SATB2: variants seen among roughly 807,000 people sequenced by gnomAD.
SATB2 encodes the protein DNA-binding protein SATB2.
In SATB2, 1 loss-of-function variant was observed where a neutral mutation model predicts 73.4. The observed-to-expected ratio is 0.01, with a 90% CI of 0.00 to 0.06. The LOEUF is 0.06. Ranked by LOEUF, SATB2 falls within the 10% of genes least tolerant of loss-of-function variation. The pLI, the probability that SATB2 is intolerant of heterozygous loss-of-function variation, is 1.00. For synonymous variants in SATB2, 397 were observed against 367.0 expected (o/e 1.08, Z -0.93); for missense variants, 459 against 945.8 (o/e 0.49, Z 6.75).
At chr2:199,391,025 C>T (rs954201206) in intron 3 of SATB2, among the ~76,000 whole-genome samples, 9 of 152,140 alleles carry the variant, frequency 5.9e-5, no homozygotes, top group African/African-American at 2.2e-4. Flanking sequence ...TATTCATGTT[C>T]CAACTAACCT....
At chr2:199,290,677 C>A (rs1692830830) in intron 10 of SATB2, among the ~76,000 whole-genome samples, 1 of 152,026 alleles carries the variant, frequency 6.6e-6, no homozygotes, top group Non-Finnish European at 1.5e-5. Context: ...TTCTTTAATT[C>A]CCAAAAAAAT....
rs1168221672 is a variant in SATB2, at chr2:199,272,636, T to C, written c.1777A>G (p.Ser593Gly). The change falls in exon 11 of 11, where the codon AGT becomes GGT. Residue 593 changes from serine to glycine, a missense_variant. This residue lies in a region of SATB2 where 74 missense variants were observed against 136.1 expected (regional missense o/e 0.54). Transcript: ENST00000417098. This position sits in a 1 kb window ranked among gnomAD's most constrained non-coding sequence, Gnocchi z 6.7. ...GGCGCTTCTTCTCTGGGAGGGGAAC[T>C]CTCCTTGGCTGGCTGAGACTGCTGT... The part of the protein sequence containing the change: ...HRQQSQPAKE[S>G]SPPREEAPPP... 6.2e-7 allele frequency: 1 copy of C among 1,613,888 alleles called. No homozygotes were observed. Among genetic ancestry groups the C allele is most frequent in the Non-Finnish European group, 8.5e-7 (1 of 1,179,976 alleles).
intron 3 of SATB2, among the ~76,000 whole-genome samples, chr2:199,406,418 T>G (rs1690630398): frequency 6.6e-6 from 1 of 152,224 alleles, no homozygotes; most frequent in African/African-American, 2.4e-5. Context: ...ATTTTTACAA[T>G]GTGAGATAAA....
At chr2:199,345,921 G>A (rs1017341658) in intron 7 of SATB2, among the ~76,000 whole-genome samples, 1 of 152,052 alleles carries the variant, frequency 6.6e-6, no homozygotes, top group Non-Finnish European at 1.5e-5. Flanking sequence ...TCCCTTTTAA[G>A]TTTTATTATC....
chr2:199,409,504 C>G (rs1690745719), intron 3 of SATB2, among the ~76,000 whole-genome samples: 1 of 152,150 alleles, frequency 6.6e-6, no homozygotes, highest in African/African-American at 2.4e-5. Context: ...CAATACTTGG[C>G]TGTAAGATAT....
intron 3 of SATB2, among the ~76,000 whole-genome samples, chr2:199,424,181 G>A (rs187289281): frequency 4.3e-4 from 66 of 152,278 alleles, no homozygotes; most frequent in African/African-American, 1.4e-3. Context: ...CAAGTGGCAC[G>A]TGCTCTACAG....
At chr2:199,310,120 T>C (rs989130963) in intron 9 of SATB2, among the ~76,000 whole-genome samples, 5 of 152,212 alleles carry the variant, frequency 3.3e-5, no homozygotes, top group African/African-American at 1.2e-4. Flanking sequence ...GTTAATAACC[T>C]GATCATTCCA....
At chr2:199,432,698 A>C (rs1056330061) in intron 3 of SATB2, among the ~76,000 whole-genome samples, 2 of 152,066 alleles carry the variant, frequency 1.3e-5, no homozygotes, top group Non-Finnish European at 2.9e-5. Context: ...ATTCTTTGGC[A>C]TGACAGAACA....
intron 9 of SATB2, among the ~76,000 whole-genome samples, chr2:199,315,745 A>G (rs1057449469): frequency 6.6e-6 from 1 of 152,064 alleles, no homozygotes; most frequent in Non-Finnish European, 1.5e-5. Context: ...CTGATCTCCC[A>G]CAAGAGTTAA....
intron 10 of SATB2, among the ~76,000 whole-genome samples, chr2:199,299,729 C>T (rs887189697): frequency 5.9e-5 from 9 of 151,990 alleles, no homozygotes; most frequent in East Asian, 5.8e-4. Context: ...AGTAAAAACG[C>T]GAGAATAAAA....
chr2:199,294,255 T>C (rs913591400), intron 10 of SATB2, among the ~76,000 whole-genome samples: 10 of 152,174 alleles, frequency 6.6e-5, no homozygotes, highest in Admixed American at 2.6e-4. Flanking sequence ...TACAAATATA[T>C]AGAGATCATC....
chr2:199,296,026 T>C (rs1240708243), intron 10 of SATB2, among the ~76,000 whole-genome samples: 2 of 152,182 alleles, frequency 1.3e-5, no homozygotes, highest in African/African-American at 2.4e-5. Flanking sequence ...CTACATTAGA[T>C]TTCCACACTA....
At chr2:199,352,861 C>T (rs1365880203) in intron 6 of SATB2, among the ~76,000 whole-genome samples, 4 of 151,944 alleles carry the variant, frequency 2.6e-5, no homozygotes, top group Non-Finnish European at 4.4e-5. Flanking sequence ...GCAACTAATG[C>T]CATTTCAAAA....
intron 10 of SATB2, among the ~76,000 whole-genome samples, chr2:199,301,915 T>G (rs142468118): frequency 1.1e-4 from 16 of 152,154 alleles, no homozygotes; most frequent in Admixed American, 1.0e-3. Flanking sequence ...AGAAGGTGAA[T>G]CCATAAATGG....
At position 199,315,378 on chromosome 2, in the gene SATB2, A is replaced by G. The variant is rs573457075; in HGVS notation, c.1543-6421T>C. Among the ~76,000 whole-genome samples, 4 of 152,214 alleles carry G rather than the reference A, an allele frequency of 2.6e-5. No individual in the cohort carries two copies. In the South Asian group the frequency reaches 8.3e-4, roughly 32 times the overall value. On this transcript the variant is annotated intron_variant, in intron 9 of 10. Transcript: ENST00000417098. ...AAAGGCTGAGAATGTTCAAATGACC[A>G]GGGAGGCCTTTCACAAAACAATAAT...
At chr2:199,317,254 T>A (rs1359527433) in intron 9 of SATB2, among the ~76,000 whole-genome samples, 1 of 152,042 alleles carries the variant, frequency 6.6e-6, no homozygotes, top group East Asian at 1.9e-4. Context: ...TTACCCTAGG[T>A]CTTGGCCCTG....
chr2:199,284,913 T>C (rs544698053), intron 10 of SATB2, among the ~76,000 whole-genome samples: 3 of 152,212 alleles, frequency 2.0e-5, no homozygotes, highest in South Asian at 2.1e-4. Context: ...ATAAGTAAAC[T>C]AGAGATAATT....
intron 3 of SATB2, among the ~76,000 whole-genome samples, chr2:199,401,865 A>C (rs1273969802): frequency 3.9e-5 from 6 of 152,124 alleles, no homozygotes; most frequent in Non-Finnish European, 1.5e-5. Context: ...ATTAAACAGA[A>C]AACCCAGGAA....
intron 3 of SATB2, chr2:199,397,855 G>C (rs1690347646): frequency 5.8e-6 from 2 of 345,478 alleles, no homozygotes; most frequent in Non-Finnish European, 1.2e-5. Flanking sequence ...GCGACAAAGA[G>C]AGACTGTCTC....
Sources: gnomAD v4.1 joint callset for allele counts (sites outside exome capture counted in the v4.1 genomes callset) on GRCh38, gnomAD v4.1.1 for gene constraint, gnomAD v4.1.1 regional missense constraint, Gnocchi (gnomAD v3.1) non-coding constraint, MANE v1.5 for transcripts, NCBI Gene and HGNC (gene_info 2026-07-23, HGNC 2026-07-21) for gene names.